The following CDC14A variants were observed in gnomAD, a reference collection of about 807,000 sequenced individuals.
CDC14A encodes the protein dual specificity protein phosphatase CDC14A.
CDC14A carries 53 observed loss-of-function variants against 74.4 expected under a neutral mutation model. The ratio of observed to expected loss-of-function variants is 0.71; its 90% CI spans 0.57 to 0.89. The LOEUF (loss-of-function observed/expected upper bound fraction) is 0.89. Ranked by LOEUF, CDC14A falls within the 40% of genes least tolerant of loss-of-function variation. CDC14A has a pLI of 0.00. For missense variants in CDC14A, 646 were observed against 713.7 expected (o/e 0.91, Z 1.08); for synonymous variants, 247 against 258.4 (o/e 0.96, Z 0.43).
chr1:100,380,463 C>T (rs1571006800), intron 3 of CDC14A, among the ~76,000 whole-genome samples: 2 of 152,356 alleles, frequency 1.3e-5, no homozygotes, highest in East Asian at 3.9e-4. Flanking sequence ...GCTCCTCTGC[C>T]TCTTTCATTC....
upstream of CDC14A, among the ~76,000 whole-genome samples, chr1:100,349,843 C>T (rs561762699): frequency 1.2e-4 from 18 of 151,700 alleles, no homozygotes; most frequent in Admixed American, 2.6e-4. Flanking sequence ...TTTTTTGAGA[C>T]GGGGTCTTTC....
intron 7 of CDC14A, among the ~76,000 whole-genome samples, chr1:100,445,358 G>A (rs1665419629): frequency 6.6e-6 from 1 of 152,060 alleles, no homozygotes; most frequent in South Asian, 2.1e-4. Context: ...ACCCAATTTT[G>A]TGTTAATAAT....
Position 100,424,309 on chromosome 1 carries a change from T to C in CDC14A, c.389+8T>C. The C allele has an allele frequency of 6.2e-7, 1 of 1,606,358 alleles. No individual in the cohort carries two copies. The highest frequency in any genetic ancestry group is 8.5e-7 in the Non-Finnish European group (1 of 1,172,962). On this transcript the variant is annotated splice_region_variant and intron_variant, in intron 5 of 15. Transcript: ENST00000336454. ...CCCCTATCTTCCATTCAGGTATAAC[T>C]CCTGGTGAGACTTGGGTTAAACTTT...
At chr1:100,473,403 T>C (rs370819624) in intron 10 of CDC14A, among the ~76,000 whole-genome samples, 1 of 152,188 alleles carries the variant, frequency 6.6e-6, no homozygotes, top group African/African-American at 2.4e-5. Context: ...TCTTTTTTTT[T>C]GAGACGGTGT....
chr1:100,400,423 TC>T (rs1179855420), intron 4 of CDC14A, among the ~76,000 whole-genome samples: 7 of 152,224 alleles, frequency 4.6e-5, no homozygotes, highest in African/African-American at 1.7e-4. Flanking sequence ...ATATTAGATG[TC>T]AGCTACTAGT....
At chr1:100,510,792 C>G (rs1345173292) in intron 15 of CDC14A, among the ~76,000 whole-genome samples, 1 of 152,176 alleles carries the variant, frequency 6.6e-6, no homozygotes, top group Non-Finnish European at 1.5e-5. Context: ...ATTTACCCGG[C>G]CCTTCAGTGC....
At position 100,499,529 on chromosome 1, in the gene CDC14A, G is replaced by A. The variant is rs544997867; in HGVS notation, c.1755+267G>A. On this transcript the variant is annotated intron_variant, in intron 15 of 15. Coordinates refer to ENST00000336454, the MANE Select transcript of CDC14A (RefSeq NM_003672.4). Reference sequence around the variant, plus strand: ...CTTTTTAAGTAGTTTCTCTTAAAAGGGAAATAGCTTTCATTCTTTTGATTA... The same window carrying A: ...CTTTTTAAGTAGTTTCTCTTAAAAGAGAAATAGCTTTCATTCTTTTGATTA... The A allele has an allele frequency of 7.4e-6, 8 of 1,084,580 alleles. No individual in the cohort carries two copies. In the African/African-American group the frequency reaches 1.3e-4, roughly 17 times the overall value. 67.2% of individuals were successfully genotyped at this position (1,084,580 alleles called of 1,614,324 possible). A position where few individuals can be genotyped will look rare whatever the true frequency, so the allele number is the denominator to read the frequency against.
At chr1:100,465,322 T>A (rs904425599) in intron 9 of CDC14A, among the ~76,000 whole-genome samples, 10 of 152,214 alleles carry the variant, frequency 6.6e-5, no homozygotes, top group African/African-American at 2.4e-4. Flanking sequence ...AGTTCTTGTA[T>A]AGGATAGTCA....
intron 5 of CDC14A, among the ~76,000 whole-genome samples, chr1:100,438,358 A>G (rs550957972): frequency 1.3e-4 from 20 of 152,186 alleles, no homozygotes; most frequent in Non-Finnish European, 2.2e-4. Flanking sequence ...ATGGGTTCGC[A>G]GGCTTCCTCA....
At chr1:100,457,296 CATCAT>C (rs1666801946) in intron 8 of CDC14A, among the ~76,000 whole-genome samples, 1 of 152,024 alleles carries the variant, frequency 6.6e-6, no homozygotes, top group African/African-American at 2.4e-5. Context: ...ACAAAAGTGG[CATCAT>C]AACATAGTTA....
At chr1:100,492,840 C>CTGTG (rs3081872) in intron 11 of CDC14A, among the ~76,000 whole-genome samples, 2 of 149,822 alleles carry the variant, frequency 1.3e-5, no homozygotes, top group African/African-American at 2.5e-5. Context: ...CTTAGCCCTG[C>CTGTG]TGTGTGTGTG....
chr1:100,500,672 A>G (rs1316512295), intron 15 of CDC14A, among the ~76,000 whole-genome samples: 1 of 148,766 alleles, frequency 6.7e-6, no homozygotes, highest in Non-Finnish European at 1.5e-5. Context: ...ATCCCTTAGA[A>G]CCTGGGAGGT....
At chr1:100,409,077 T>TA (rs371696926) in intron 4 of CDC14A, among the ~76,000 whole-genome samples, 139 of 152,310 alleles carry the variant, frequency 9.1e-4, no homozygotes, top group African/African-American at 3.2e-3. Flanking sequence ...TTAATGGACT[T>TA]ACAGTTTCAC....
intron 10 of CDC14A, among the ~76,000 whole-genome samples, chr1:100,473,540 C>T (rs1668596890): frequency 6.6e-6 from 1 of 152,048 alleles, no homozygotes; most frequent in South Asian, 2.1e-4. Context: ...GCGTGTGCCA[C>T]CACGCCCGGC....
At chr1:100,352,003 TGCGCGC>T (rs370715549), upstream of CDC14A, among the ~76,000 whole-genome samples, 1 of 122,796 alleles carries the variant, frequency 8.1e-6, no homozygotes, top group Non-Finnish European at 1.8e-5. Context: ...TGTGTGTGTG[TGCGCGC>T]GCGCGCGCCC....
intron 3 of CDC14A, among the ~76,000 whole-genome samples, chr1:100,382,403 T>A (rs1571012933): frequency 6.7e-6 from 1 of 150,118 alleles, no homozygotes; most frequent in East Asian, 1.9e-4. Context: ...TTTTTTTTTT[T>A]TTTTTTTTAG....
At chr1:100,346,700 A>C (rs1650461992) in intron 1 of CDC14A, among the ~76,000 whole-genome samples, 1 of 152,184 alleles carries the variant, frequency 6.6e-6, no homozygotes, top group Non-Finnish European at 1.5e-5. Flanking sequence ...AATTTAAAAA[A>C]TGTATTGAGT....
intron 7 of CDC14A, among the ~76,000 whole-genome samples, chr1:100,450,594 C>T (rs1009128720): frequency 2.0e-5 from 3 of 152,180 alleles, no homozygotes; most frequent in Non-Finnish European, 2.9e-5. Flanking sequence ...CATTACACCA[C>T]TCCAAAGCCT....
chr1:100,417,091 CA>C (rs1441747045), intron 4 of CDC14A, among the ~76,000 whole-genome samples: 1 of 152,152 alleles, frequency 6.6e-6, no homozygotes, highest in Non-Finnish European at 1.5e-5. Flanking sequence ...ACCACAGAAA[CA>C]AACTGGTATA....
Sources: allele counts gnomAD v4.1 joint callset (sites outside exome capture counted in the v4.1 genomes callset), GRCh38; gene constraint gnomAD v4.1.1; transcripts MANE v1.5; gene names NCBI Gene and HGNC (gene_info 2026-07-23, HGNC 2026-07-21).